Variants in VAV3 observed in about 807,000 individuals in gnomAD.
VAV3 encodes guanine nucleotide exchange factor VAV3.
Under a neutral mutation model 131.2 loss-of-function variants are expected in VAV3, and 94 were observed. That is an observed-to-expected ratio of 0.72 (90% CI 0.61 to 0.85). The LOEUF (loss-of-function observed/expected upper bound fraction) is 0.85, where lower values mean the gene tolerates loss of function less well. Ranked by LOEUF, VAV3 falls within the 40% of genes least tolerant of loss-of-function variation. The pLI is 0.00. For missense variants in VAV3, 939 were observed against 1,002.7 expected, an observed-to-expected ratio of 0.94 and a Z score of 0.86; for synonymous variants, 349 against 342.0, an observed-to-expected ratio of 1.02 and a Z score of -0.22.
chr1:107,719,268 G>A (rs1416874570), intron 15 of VAV3, among the ~76,000 whole-genome samples: 1 of 152,000 alleles, frequency 6.6e-6, no homozygotes, highest in Non-Finnish European at 1.5e-5. Flanking sequence ...GAGTGAACAG[G>A]TAACCTACAG....
At chr1:107,644,019 T>C (rs978841204) in intron 19 of VAV3, among the ~76,000 whole-genome samples, 1 of 152,044 alleles carries the variant, frequency 6.6e-6, no homozygotes, top group African/African-American at 2.4e-5. Context: ...AGAGGGATGA[T>C]TTTAATCTCA....
At chr1:107,784,855 T>C (rs1665895983) in intron 2 of VAV3, among the ~76,000 whole-genome samples, 1 of 152,224 alleles carries the variant, frequency 6.6e-6, no homozygotes, top group African/African-American at 2.4e-5. Flanking sequence ...CTGGCACAAG[T>C]GGAGAATGAA....
chr1:107,851,782 C>A (rs1207670355), intron 2 of VAV3, among the ~76,000 whole-genome samples: 1 of 152,110 alleles, frequency 6.6e-6, no homozygotes, highest in Non-Finnish European at 1.5e-5. Flanking sequence ...TGTGTTTCAG[C>A]AAATATATGA....
In VAV3 at chr1:107,574,044, T is replaced by C. The variant is rs1649441461; in HGVS notation, c.2502+3A>G. The stretch of plus-strand genomic sequence containing the variant: ...CACCAGCACATCGAGAGGGCCAACT[T>C]ACCCTGCCATTTACTTCTCCTCTCC... On this transcript the variant is annotated splice_donor_region_variant and intron_variant, in intron 26 of 26. Coordinates refer to ENST00000370056, the MANE Select transcript of VAV3 (RefSeq NM_006113.5). 6.2e-7 allele frequency: 1 copy of C among 1,613,750 alleles called. No individual in the cohort carries two copies. The highest frequency in any genetic ancestry group is 2.2e-5 in the East Asian group (1 of 44,872).
chr1:107,669,084 A>C lies in VAV3; in HGVS notation c.1777+14404T>G, dbSNP rs886545296. 1.0e-5 allele frequency: 11 copies of C among 1,080,434 alleles called. No individual in the cohort carries two copies. In the African/African-American group the frequency reaches 1.7e-4, roughly 17 times the overall value. 66.9% of individuals were successfully genotyped at this position (1,080,434 alleles called of 1,614,324 possible). A position where few individuals can be genotyped will look rare whatever the true frequency, so the allele number is the denominator to read the frequency against. On this transcript the variant is annotated intron_variant, in intron 19 of 26. Coordinates refer to ENST00000370056, the MANE Select transcript of VAV3 (RefSeq NM_006113.5). ...GTCAAAAAGAACACAGGGGAAAAAAAGAAAAATGAGTTATGCCGGTGTTCT... is the reference window on the plus strand; with the variant it reads ...GTCAAAAAGAACACAGGGGAAAAAACGAAAAATGAGTTATGCCGGTGTTCT...
In VAV3 at chr1:107,741,093, G is replaced by C. The variant is rs1662995016; in HGVS notation, c.1502+7875C>G. Among the ~76,000 whole-genome samples, 4 of 152,328 alleles carry C rather than the reference G, an allele frequency of 2.6e-5. No individual in the cohort carries two copies. The South Asian group carries it at 8.3e-4, about 32-fold the overall frequency. On this transcript the variant is annotated intron_variant, in intron 15 of 26. Coordinates refer to ENST00000370056, the MANE Select transcript of VAV3 (RefSeq NM_006113.5). The stretch of plus-strand genomic sequence containing the variant: ...AGTACTCATAGCGGTAGTAGTTGCT[G>C]TTTCTTAGGCCTGCTTTAGAACTCC...
intron 15 of VAV3, among the ~76,000 whole-genome samples, chr1:107,747,256 T>C (rs1287942281): frequency 6.6e-6 from 1 of 152,196 alleles, no homozygotes; most frequent in Non-Finnish European, 1.5e-5. Context: ...ATGCCTGTCA[T>C]ACAGTCCAAG....
At chr1:107,647,422 G>A (rs569285656) in intron 19 of VAV3, among the ~76,000 whole-genome samples, 1 of 151,946 alleles carries the variant, frequency 6.6e-6, no homozygotes, top group Non-Finnish European at 1.5e-5. Context: ...TTCCATAAGT[G>A]CTGGGCATGG....
At chr1:107,904,954 A>T (rs936001729) in intron 1 of VAV3, among the ~76,000 whole-genome samples, 2 of 152,212 alleles carry the variant, frequency 1.3e-5, no homozygotes, top group Non-Finnish European at 2.9e-5. Flanking sequence ...CATTTAAGCA[A>T]ATGCTTGAAG....
At chr1:107,579,183 C>T (rs1285666881) in intron 25 of VAV3, among the ~76,000 whole-genome samples, 1 of 152,102 alleles carries the variant, frequency 6.6e-6, no homozygotes, top group South Asian at 2.1e-4. Context: ...ATTATAATTC[C>T]ACCCAAACAG....
chr1:107,613,134 T>C (rs1652882266), intron 21 of VAV3, among the ~76,000 whole-genome samples: 3 of 152,198 alleles, frequency 2.0e-5, no homozygotes, highest in South Asian at 4.1e-4. Context: ...CTGGGTCTAA[T>C]AATCAACCTT....
At chr1:107,755,564 T>C (rs745386536) in intron 11 of VAV3, 51 bp from the exon 12 acceptor site, 3 of 1,313,310 alleles carry the variant, frequency 2.3e-6, no homozygotes, top group South Asian at 2.5e-5. Flanking sequence ...AGATTAGAGA[T>C]GCAAACTGCT....
rs1670428463 is a variant in VAV3 at position 107,875,018 on chromosome 1, C to A, written c.205-1G>T. 2 of 1,611,548 alleles carry A rather than the reference C, an allele frequency of 1.2e-6. No individual in the cohort carries two copies. The highest frequency in any genetic ancestry group is 1.3e-5 in the African/African-American group (1 of 74,918). Reference sequence around the variant, plus strand: ...TCCTTATGTTCTTCAAACAGAGAAACTGAGGAATGGAAAAGAGCTGTTAGC... The same window carrying A: ...TCCTTATGTTCTTCAAACAGAGAAAATGAGGAATGGAAAAGAGCTGTTAGC... On this transcript the variant is annotated splice_acceptor_variant, in intron 1 of 26. Transcript: ENST00000370056. LOFTEE classifies it high-confidence loss of function.
At chr1:107,619,187 CAGACTT>C (rs1301383671) in intron 20 of VAV3, among the ~76,000 whole-genome samples, 1 of 152,138 alleles carries the variant, frequency 6.6e-6, no homozygotes, top group Non-Finnish European at 1.5e-5. Context: ...CCATACAACA[CAGACTT>C]AGATGACTTA....
intron 17 of VAV3, among the ~76,000 whole-genome samples, chr1:107,696,502 C>A (rs939248778): frequency 6.6e-6 from 1 of 152,162 alleles, no homozygotes; most frequent in Non-Finnish European, 1.5e-5. Flanking sequence ...ACAACTCCTA[C>A]TAGTCATAGC....
chr1:107,915,840 G>A (rs925406402), intron 1 of VAV3, among the ~76,000 whole-genome samples: 2 of 152,106 alleles, frequency 1.3e-5, no homozygotes, highest in African/African-American at 4.8e-5. Context: ...CTAGGTCCGG[G>A]CAATTGAGTT....
intron 6 of VAV3, 152 bp from the exon 7 acceptor site, chr1:107,768,661 T>TA (rs1406886565): frequency 1.9e-6 from 1 of 534,708 alleles, no homozygotes; most frequent in African/African-American, 2.0e-5. Context: ...TTCTCTAACT[T>TA]AAAGACTTTA....
intron 25 of VAV3, among the ~76,000 whole-genome samples, chr1:107,594,252 T>A (rs1392155965): frequency 6.6e-6 from 1 of 152,026 alleles, no homozygotes; most frequent in Non-Finnish European, 1.5e-5. Flanking sequence ...AGTTTCCCCA[T>A]TGAAATGTAA....
At chr1:107,855,640 A>T (rs1173065921) in intron 2 of VAV3, among the ~76,000 whole-genome samples, 2 of 152,134 alleles carry the variant, frequency 1.3e-5, no homozygotes, top group Non-Finnish European at 1.5e-5. Context: ...TAACAACTGG[A>T]GCTTACCCCA....
Sources: gnomAD v4.1 joint callset for allele counts (sites outside exome capture counted in the v4.1 genomes callset) on GRCh38, gnomAD v4.1.1 for gene constraint, MANE v1.5 for transcripts, NCBI Gene and HGNC (gene_info 2026-07-23, HGNC 2026-07-21) for gene names.